Variants in DACH1 observed in about 807,000 individuals in gnomAD.
DACH1 encodes the protein dachshund family transcription factor 1.
In DACH1, 12 loss-of-function variants were observed where a neutral mutation model predicts 54.2. The observed-to-expected ratio is 0.22, with a 90% confidence interval of 0.14 to 0.36. The LOEUF (loss-of-function observed/expected upper bound fraction) is 0.36. Among genes scored for constraint, DACH1 ranks in the 10% least tolerant of loss-of-function variants. DACH1 has a pLI of 1.00. For missense variants in DACH1, 805 were observed against 929.8 expected, an observed-to-expected ratio of 0.87 and a Z score of 1.75; for synonymous variants, 386 against 366.2, an observed-to-expected ratio of 1.05 and a Z score of -0.62.
At position 71,630,575 on chromosome 13, in the gene DACH1, C is replaced by T. The variant is rs1010016917; in HGVS notation, c.1107G>A (p.Gly369=). The T allele has an allele frequency of 6.3e-7, 1 of 1,590,240 alleles. No individual in the cohort carries two copies. The highest frequency in any genetic ancestry group is 8.5e-7 in the Non-Finnish European group (1 of 1,173,306). The part of the protein sequence containing the change: ...NNQHGADSEN[G]DMNSSVGLEL... The stretch of plus-strand genomic sequence containing the variant: ...ACTTACCGACACTTGAATTCATGTC[C>T]CCGTTTTCAGAGTCTGCTCCATGTT... Residue 369 remains glycine, a synonymous_variant, in exon 3 of 11, where the codon GGG becomes GGA. Coordinates refer to ENST00000613252, the MANE Select transcript of DACH1 (RefSeq NM_080759.6).
chr13:71,829,904 C>T (rs1594273729), intron 1 of DACH1, among the ~76,000 whole-genome samples: 1 of 151,894 alleles, frequency 6.6e-6, no homozygotes, highest in South Asian at 2.1e-4. Context: ...ATATGTAAAA[C>T]AGATGGTTGT....
At chr13:71,719,432 A>G (rs1310023270) in intron 1 of DACH1, among the ~76,000 whole-genome samples, 3 of 152,098 alleles carry the variant, frequency 2.0e-5, no homozygotes, top group Non-Finnish European at 4.4e-5. Flanking sequence ...CCACATTCTC[A>G]CCAATTTGAC....
rs1428466101 is a variant in DACH1, at chr13:71,866,955, G to C, written c.-186C>G. The C allele has an allele frequency of 1.3e-5, 6 of 451,662 alleles. No individual in the cohort carries two copies. The East Asian group carries it at 1.5e-4, about 11-fold the overall frequency. The allele number at this position is 451,662 out of a possible 1,614,324, so 28.0% of individuals were successfully genotyped here. A position where few individuals can be genotyped will look rare whatever the true frequency, so the allele number is the denominator to read the frequency against. On this transcript the variant is annotated 5_prime_UTR_variant, in exon 1 of 11. Coordinates refer to ENST00000613252, the MANE Select transcript of DACH1 (RefSeq NM_080759.6). The stretch of plus-strand genomic sequence containing the variant: ...GAGGTGAAGGTAATAAAGAGCGAGC[G>C]CAAGAGGGGCGAGCACGAGAGGCGC...
chr13:71,762,113 T>A (rs1017794605), intron 1 of DACH1, among the ~76,000 whole-genome samples: 4 of 152,054 alleles, frequency 2.6e-5, no homozygotes, highest in African/African-American at 9.7e-5. Flanking sequence ...AAACTAAGAC[T>A]CGGTGAGGTA....
intron 10 of DACH1, among the ~76,000 whole-genome samples, chr13:71,458,109 T>G (rs537254907): frequency 6.6e-6 from 1 of 152,066 alleles, no homozygotes; most frequent in Non-Finnish European, 1.5e-5. Flanking sequence ...ATGAATTACA[T>G]TTTTTATTTC....
At chr13:71,743,877 C>G (rs1420063010) in intron 1 of DACH1, among the ~76,000 whole-genome samples, 1 of 152,118 alleles carries the variant, frequency 6.6e-6, no homozygotes, top group African/African-American at 2.4e-5. Flanking sequence ...TCAGCTTCTC[C>G]TAATTATGTT....
intron 1 of DACH1, among the ~76,000 whole-genome samples, chr13:71,846,817 A>G (rs1410336326): frequency 6.6e-6 from 1 of 152,204 alleles, no homozygotes; most frequent in Non-Finnish European, 1.5e-5. Flanking sequence ...CTTTGAAACT[A>G]ATAGTTAGAA....
intron 1 of DACH1, among the ~76,000 whole-genome samples, chr13:71,840,887 C>CTTT (rs577166854): frequency 0.015 from 2,246 of 152,182 alleles, 44 homozygotes; most frequent in African/African-American, 0.051. Flanking sequence ...ACTTTTCTTT[C>CTTT]CGTCTTACAA....
chr13:71,505,071 C>CTCCT lies in DACH1; in HGVS notation c.1571-15927_1571-15924dup, dbSNP rs562248988. 2.5e-3 allele frequency among the ~76,000 whole-genome samples: 387 copies of CTCCT among 151,976 alleles called. 2 individuals are homozygous for CTCCT. Among genetic ancestry groups the CTCCT allele is most frequent in the Non-Finnish European group, 3.5e-3 (236 of 67,952 alleles). On this transcript the variant is annotated intron_variant, in intron 6 of 10. Coordinates refer to ENST00000613252, the MANE Select transcript of DACH1 (RefSeq NM_080759.6). ...ACACATATATTTGTTAATTAGATAT[C>CTCCT]TCCTTCCTTCCTTCCTTCCTTCTTT...
intron 3 of DACH1, among the ~76,000 whole-genome samples, chr13:71,596,799 G>A (rs1226879509): frequency 6.6e-6 from 1 of 152,102 alleles, no homozygotes; most frequent in Non-Finnish European, 1.5e-5. Flanking sequence ...ATTTTTGGCA[G>A]ACAAACAGCA....
At chr13:71,726,578 A>T (rs985921334) in intron 1 of DACH1, among the ~76,000 whole-genome samples, 179 of 152,188 alleles carry the variant, frequency 1.2e-3, no homozygotes, top group East Asian at 1.2e-3. Flanking sequence ...TCAAGGTACT[A>T]AAGTGAATTA....
intron 6 of DACH1, among the ~76,000 whole-genome samples, chr13:71,491,095 A>G (rs552509980): frequency 5.3e-5 from 8 of 152,308 alleles, no homozygotes; most frequent in African/African-American, 1.9e-4. Flanking sequence ...CAGTGCATTT[A>G]TGCTTGACTA....
chr13:71,566,920 A>G (rs934260051), intron 4 of DACH1, among the ~76,000 whole-genome samples: 2 of 152,172 alleles, frequency 1.3e-5, no homozygotes, highest in Non-Finnish European at 2.9e-5. Context: ...AACATGAAGT[A>G]TATGATGTCA....
chr13:71,818,756 A>T (rs909425583), intron 1 of DACH1, among the ~76,000 whole-genome samples: 2 of 152,264 alleles, frequency 1.3e-5, no homozygotes, highest in Non-Finnish European at 2.9e-5. Flanking sequence ...TACAGGCATT[A>T]GTTGAAAGTG....
chr13:71,718,199 G>T (rs996048731), intron 1 of DACH1, among the ~76,000 whole-genome samples: 1 of 152,008 alleles, frequency 6.6e-6, no homozygotes, highest in African/African-American at 2.4e-5. Flanking sequence ...CCAAATAAAA[G>T]ACAGATTAAA....
intron 6 of DACH1, among the ~76,000 whole-genome samples, chr13:71,516,513 A>G (rs888554568): frequency 2.0e-5 from 3 of 151,906 alleles, no homozygotes; most frequent in Admixed American, 1.3e-4. Flanking sequence ...ACGCCTTATG[A>G]CTTAATGAAG....
rs1566180259 is a variant in DACH1 at position 71,866,334 on chromosome 13, TACTGCTGCTGCTGCTGCTGCC to T, written c.415_435del (p.Gly139_Ser145del). 6.5e-6 allele frequency: 10 copies of T among 1,532,068 alleles called. No homozygotes were observed. The highest frequency in any genetic ancestry group is 8.8e-6 in the Non-Finnish European group (10 of 1,135,974). 94.9% of individuals were successfully genotyped at this position (1,532,068 alleles called of 1,614,324 possible). On this transcript the variant is annotated inframe_deletion, in exon 1 of 11. Coordinates refer to ENST00000613252, the MANE Select transcript of DACH1 (RefSeq NM_080759.6). ...CTACTGCTGCTGCTGCTGCTGCTGC[TACTGCTGCTGCTGCTGCTGCC>T]GGTGCTGGCGTTGATGGGGGTGCTG... is the stretch of plus-strand genomic sequence containing the variant.
chr13:71,470,775 A>C (rs545461584), intron 10 of DACH1, among the ~76,000 whole-genome samples: 1 of 152,330 alleles, frequency 6.6e-6, no homozygotes, highest in East Asian at 1.9e-4. Flanking sequence ...TCCTTCAGGG[A>C]ATAGCAGGCA....
chr13:71,488,948 A>G, intron 7 of DACH1, 49 bp downstream of exon 7: 1 of 1,569,506 alleles, frequency 6.4e-7, no homozygotes, highest in East Asian at 2.2e-5. Context: ...AAAAAAATCT[A>G]CAACAGGGTG....
Sources: allele counts gnomAD v4.1 joint callset (sites outside exome capture counted in the v4.1 genomes callset), GRCh38; gene constraint gnomAD v4.1.1; transcripts MANE v1.5; gene names NCBI Gene and HGNC (gene_info 2026-07-23, HGNC 2026-07-21).